The following ATP2B2 variants were observed in gnomAD, a reference collection of about 807,000 sequenced individuals.
ATP2B2 encodes ATPase plasma membrane Ca2+ transporting 2, also known as plasma membrane calcium-transporting ATPase 2.
A neutral mutation model predicts 120.0 loss-of-function variants in ATP2B2; 15 were observed. The observed-to-expected ratio is 0.12, with a 90% CI of 0.08 to 0.19. ATP2B2 has a LOEUF of 0.19. ATP2B2 is among the 10% of genes least tolerant of loss of function. ATP2B2 has a pLI of 1.00. For synonymous variants in ATP2B2, 694 were observed against 700.3 expected (o/e 0.99, Z 0.14); for missense variants, 1,045 against 1,719.8 (o/e 0.61, Z 6.94).
intron 2 of ATP2B2, among the ~76,000 whole-genome samples, chr3:10,434,894 C>T (rs944777390): frequency 1.3e-5 from 2 of 152,218 alleles, no homozygotes; most frequent in South Asian, 4.1e-4. Context: ...TCTTCCTGGC[C>T]CCTCCCCTGG....
chr3:10,577,550 C>G (rs908659518), intron 2 of ATP2B2, among the ~76,000 whole-genome samples: 1 of 152,202 alleles, frequency 6.6e-6, no homozygotes, highest in African/African-American at 2.4e-5. Flanking sequence ...GAAGCTCCAT[C>G]ATCCTCATTA....
chr3:10,407,953 A>G (rs544954557), intron 3 of ATP2B2, among the ~76,000 whole-genome samples: 1 of 152,344 alleles, frequency 6.6e-6, no homozygotes, highest in East Asian at 1.9e-4. Flanking sequence ...AGGGCCAGAC[A>G]GGCAGATCCA....
chr3:10,486,876 C>T (rs2125343185), intron 1 of ATP2B2, among the ~76,000 whole-genome samples: 1 of 152,174 alleles, frequency 6.6e-6, no homozygotes. Flanking sequence ...CGAGCCACCA[C>T]ACCCAGCTAA....
chr3:10,329,060 G>A lies in ATP2B2; in HGVS notation c.3486C>T (p.Thr1162=). 6.2e-7 allele frequency: 1 copy of A among 1,613,866 alleles called. No individual in the cohort carries two copies. The highest frequency in any genetic ancestry group is 8.5e-7 in the Non-Finnish European group (1 of 1,179,988). ...YEGLEKPESR[T]SIHNFMAHPE... ...GATGAGCCATGAAGTTATGGATGGA[G>A]GTTCGAGATTCAGGCTTTTCTAAAC... Residue 1162 remains threonine (T), a synonymous_variant, in exon 23 of 23, where the codon ACC becomes ACT. Coordinates refer to ENST00000360273, the MANE Select transcript of ATP2B2 (RefSeq NM_001001331.4). This position sits in a 1 kb window ranked among gnomAD's most constrained non-coding sequence, Gnocchi z 5.9.
chr3:10,497,780 T>C (rs186554393), intron 1 of ATP2B2, among the ~76,000 whole-genome samples: 2 of 152,340 alleles, frequency 1.3e-5, no homozygotes, highest in East Asian at 3.9e-4. Flanking sequence ...CTACTGCATA[T>C]GGGGACTCTG....
intron 4 of ATP2B2, 53 bp from the exon 5 acceptor site, chr3:10,401,131 TG>T: frequency 6.2e-7 from 1 of 1,607,582 alleles, no homozygotes; most frequent in East Asian, 2.2e-5. Flanking sequence ...ACTAGAGGGC[TG>T]GAACATTCCC....
At chr3:10,364,971 C>A (rs73014607) in intron 12 of ATP2B2, among the ~76,000 whole-genome samples, 2 of 152,210 alleles carry the variant, frequency 1.3e-5, no homozygotes, top group African/African-American at 4.8e-5. Context: ...GCCTTCTCTG[C>A]GCTCACCACT....
At chr3:10,421,119 G>A (rs1022718154) in intron 2 of ATP2B2, among the ~76,000 whole-genome samples, 2 of 152,178 alleles carry the variant, frequency 1.3e-5, no homozygotes, top group Non-Finnish European at 2.9e-5. Flanking sequence ...TTGGCAATGG[G>A]GATACAGGCT....
intron 3 of ATP2B2, among the ~76,000 whole-genome samples, chr3:10,403,466 C>T (rs1274055437): frequency 6.6e-6 from 1 of 152,264 alleles, no homozygotes; most frequent in Admixed American, 6.5e-5. Flanking sequence ...AAAGGCAGAT[C>T]CTACTCATGC....
At chr3:10,389,521 A>G (rs10865701) in intron 5 of ATP2B2, among the ~76,000 whole-genome samples, 77,563 of 152,060 alleles carry the variant, frequency 0.51, 22,318 homozygotes, top group East Asian at 0.97. Flanking sequence ...CATAAATACT[A>G]TATGATTCCA....
intron 1 of ATP2B2, among the ~76,000 whole-genome samples, chr3:10,642,385 C>A (rs1283205674): frequency 1.3e-5 from 2 of 152,156 alleles, no homozygotes; most frequent in African/African-American, 4.8e-5. Flanking sequence ...AGGGGCTAGG[C>A]ACTGTATTGG....
At chr3:10,369,780 G>A (rs550361471) in intron 12 of ATP2B2, among the ~76,000 whole-genome samples, 9 of 152,310 alleles carry the variant, frequency 5.9e-5, no homozygotes, top group African/African-American at 2.2e-4. Flanking sequence ...CAGCTGGTGA[G>A]GGATTTGAAC....
In ATP2B2 at chr3:10,466,858, C is replaced by A. The variant is rs1263322608; in HGVS notation, c.-319-16996G>T. ...CTAGAGATATCAGGGGCCTGCATTG[C>A]ATCCCAGAGATAGCGACATCTCCAG... is the stretch of plus-strand genomic sequence containing the variant. On this transcript the variant is annotated intron_variant, in intron 1 of 22. Coordinates refer to ENST00000360273, the MANE Select transcript of ATP2B2 (RefSeq NM_001001331.4). Among the ~76,000 whole-genome samples, 3 of 152,224 alleles carry A rather than the reference C, an allele frequency of 2.0e-5. No homozygotes were observed. In the South Asian group the frequency reaches 6.2e-4, roughly 32 times the overall value.
At chr3:10,634,292 A>C (rs1040139311) in intron 1 of ATP2B2, among the ~76,000 whole-genome samples, 2 of 152,236 alleles carry the variant, frequency 1.3e-5, no homozygotes, top group Non-Finnish European at 2.9e-5. Context: ...TGTTTACGGC[A>C]ATCTCACTGT....
Position 10,342,332 on chromosome 3 carries a change from G to A in ATP2B2, c.2917+420C>T, listed in dbSNP as rs1344717424. 2.0e-5 allele frequency among the ~76,000 whole-genome samples: 3 copies of A among 152,040 alleles called. No individual in the cohort carries two copies. Among genetic ancestry groups the A allele is most frequent in the African/African-American group, 7.2e-5 (3 of 41,396 alleles). ...TGAGAGTCGGTGGTGGTGTGAGCGT[G>A]TATGCCCTGCCCCAGGAAGCCTTGC... On this transcript the variant is annotated intron_variant, in intron 19 of 22. Coordinates refer to ENST00000360273, the MANE Select transcript of ATP2B2 (RefSeq NM_001001331.4). The surrounding 1 kb of genome is among the most constrained non-coding windows in gnomAD (Gnocchi z 4.4).
intron 1 of ATP2B2, among the ~76,000 whole-genome samples, chr3:10,488,180 C>T (rs570138068): frequency 3.5e-5 from 5 of 143,000 alleles, no homozygotes; most frequent in South Asian, 2.4e-4. Context: ...CATCTACCCA[C>T]CCATCTATCC....
intron 2 of ATP2B2, among the ~76,000 whole-genome samples, chr3:10,560,290 T>C (rs1575496991): frequency 6.6e-6 from 1 of 152,204 alleles, no homozygotes; most frequent in Non-Finnish European, 1.5e-5. Context: ...AAGCTTCTGA[T>C]GACGGCTGGA....
intron 1 of ATP2B2, among the ~76,000 whole-genome samples, chr3:10,698,630 A>C (rs1413982329): frequency 2.0e-5 from 3 of 152,186 alleles, no homozygotes; most frequent in Non-Finnish European, 2.9e-5. Context: ...TTTCACAAAA[A>C]AAGTCTCATG....
intron 12 of ATP2B2, among the ~76,000 whole-genome samples, chr3:10,361,539 G>T (rs1196227732): frequency 6.6e-6 from 1 of 152,184 alleles, no homozygotes; most frequent in African/African-American, 2.4e-5. Context: ...AGGGCCGTGT[G>T]AACACCATTA....
Sources: allele counts gnomAD v4.1 joint callset (sites outside exome capture counted in the v4.1 genomes callset), GRCh38; gene constraint gnomAD v4.1.1; non-coding constraint Gnocchi (gnomAD v3.1); transcripts MANE v1.5; gene names NCBI Gene and HGNC (gene_info 2026-07-23, HGNC 2026-07-21).